The following FSTL5 variants were observed in gnomAD, a reference collection of about 807,000 sequenced individuals.
FSTL5 encodes the protein follistatin like 5.
Under a neutral mutation model 89.1 loss-of-function variants are expected in FSTL5, and 62 were observed. The ratio of observed to expected loss-of-function variants is 0.70; its 90% CI spans 0.57 to 0.86. The LOEUF is 0.86. FSTL5 is among the 40% of genes least tolerant of loss of function. FSTL5 has a pLI of 0.00. For missense variants in FSTL5, 1,057 were observed against 1,001.6 expected, an observed-to-expected ratio of 1.06 and a Z score of -0.75; for synonymous variants, 383 against 346.2, an observed-to-expected ratio of 1.11 and a Z score of -1.18.
intron 1 of FSTL5, among the ~76,000 whole-genome samples, chr4:162,160,817 G>GAAAAC (rs1272410674): frequency 1.3e-5 from 2 of 148,340 alleles, no homozygotes; most frequent in East Asian, 2.0e-4. Flanking sequence ...TTAGTAACTA[G>GAAAAC]AAAACAAAAC....
intron 6 of FSTL5, among the ~76,000 whole-genome samples, chr4:161,740,235 G>T (rs1739968346): frequency 6.6e-6 from 1 of 151,912 alleles, no homozygotes; most frequent in East Asian, 1.9e-4. Flanking sequence ...GGCCAACCTG[G>T]TCTTGAACTC....
At chr4:161,942,819 T>G (rs1734625071) in intron 3 of FSTL5, among the ~76,000 whole-genome samples, 1 of 152,024 alleles carries the variant, frequency 6.6e-6, no homozygotes, top group Admixed American at 6.6e-5. Context: ...CACTAAAAGA[T>G]CTAGACAAAG....
intron 1 of FSTL5, among the ~76,000 whole-genome samples, chr4:162,146,973 G>A (rs1733025409): frequency 6.6e-6 from 1 of 151,902 alleles, no homozygotes; most frequent in Non-Finnish European, 1.5e-5. Context: ...ATAGAGATGA[G>A]GTTTCACCAT....
chr4:162,116,472 G>A (rs1317212105), intron 1 of FSTL5, among the ~76,000 whole-genome samples: 1 of 152,168 alleles, frequency 6.6e-6, no homozygotes, highest in Non-Finnish European at 1.5e-5. Context: ...GAGCTTAGCT[G>A]TGCATGCAAG....
At chr4:161,777,118 G>C (rs1019733885) in intron 4 of FSTL5, among the ~76,000 whole-genome samples, 1 of 151,668 alleles carries the variant, frequency 6.6e-6, no homozygotes, top group African/African-American at 2.4e-5. Context: ...CTTTGAGTGA[G>C]AACATGTGAT....
chr4:161,774,822 T>C (rs1741347857), intron 5 of FSTL5, among the ~76,000 whole-genome samples: 1 of 152,118 alleles, frequency 6.6e-6, no homozygotes. Context: ...AAATAAATCA[T>C]GAGGTGTATG....
chr4:161,940,030 G>A (rs1734535124), intron 3 of FSTL5, among the ~76,000 whole-genome samples: 1 of 151,802 alleles, frequency 6.6e-6, no homozygotes, highest in African/African-American at 2.4e-5. Context: ...TGGTGCTGAA[G>A]ACATAAGCCC....
At chr4:161,973,172 G>GT (rs201435161) in intron 3 of FSTL5, among the ~76,000 whole-genome samples, 37 of 150,978 alleles carry the variant, frequency 2.5e-4, no homozygotes, top group South Asian at 6.3e-4. Context: ...AGTGTTTCAT[G>GT]TTTTTTTTTC....
intron 6 of FSTL5, among the ~76,000 whole-genome samples, chr4:161,682,304 T>A (rs916389217): frequency 2.0e-5 from 3 of 152,164 alleles, no homozygotes; most frequent in African/African-American, 7.2e-5. Flanking sequence ...TACACAAAGT[T>A]AATTAAAACT....
At chr4:161,954,932 A>T (rs1229553385) in intron 3 of FSTL5, among the ~76,000 whole-genome samples, 2 of 151,668 alleles carry the variant, frequency 1.3e-5, no homozygotes, top group African/African-American at 4.8e-5. Context: ...TCAATGATAA[A>T]AGTTGTAATA....
At chr4:161,812,040 A>G (rs1299997151) in intron 4 of FSTL5, among the ~76,000 whole-genome samples, 1 of 152,198 alleles carries the variant, frequency 6.6e-6, no homozygotes, top group Non-Finnish European at 1.5e-5. Context: ...AATATTAATG[A>G]GAGATATTTT....
At chr4:161,763,160 A>G (rs890348998) in intron 5 of FSTL5, among the ~76,000 whole-genome samples, 2 of 152,170 alleles carry the variant, frequency 1.3e-5, no homozygotes, top group African/African-American at 4.8e-5. Flanking sequence ...ATCCTTTTAG[A>G]CTGCCTACTA....
intron 6 of FSTL5, among the ~76,000 whole-genome samples, chr4:161,705,014 G>A (rs995492271): frequency 6.6e-6 from 1 of 151,658 alleles, no homozygotes; most frequent in African/African-American, 2.4e-5. Flanking sequence ...TCCAAATTGG[G>A]TATATACATC....
chr4:162,073,605 T>C (rs1391181218), intron 2 of FSTL5, among the ~76,000 whole-genome samples: 1 of 151,794 alleles, frequency 6.6e-6, no homozygotes, highest in Non-Finnish European at 1.5e-5. Flanking sequence ...AAGAACATAA[T>C]GTTTAACTAT....
chr4:161,749,963 A>G (rs1740339846), intron 6 of FSTL5, among the ~76,000 whole-genome samples: 2 of 152,032 alleles, frequency 1.3e-5, no homozygotes. Context: ...CCATTACAGC[A>G]TATATCCATG....
intron 6 of FSTL5, among the ~76,000 whole-genome samples, chr4:161,656,890 G>A (rs1182252277): frequency 8.2e-6 from 1 of 121,474 alleles, no homozygotes; most frequent in Non-Finnish European, 1.8e-5. Flanking sequence ...ATCACTGCTG[G>A]CTTGCAGTAG....
chr4:161,890,780 A>C (rs1263821884), intron 4 of FSTL5, among the ~76,000 whole-genome samples: 2 of 152,084 alleles, frequency 1.3e-5, no homozygotes, highest in African/African-American at 4.8e-5. Flanking sequence ...CTTTGGAATC[A>C]GTAAAAATAT....
At chr4:161,839,644 A>G (rs1731151421) in intron 4 of FSTL5, among the ~76,000 whole-genome samples, 1 of 152,220 alleles carries the variant, frequency 6.6e-6, no homozygotes, top group South Asian at 2.1e-4. Flanking sequence ...TGAAATTCCA[A>G]TACAGAAAAA....
At chr4:162,157,011 C>T (rs981139352) in intron 1 of FSTL5, among the ~76,000 whole-genome samples, 3 of 152,034 alleles carry the variant, frequency 2.0e-5, no homozygotes, top group African/African-American at 4.8e-5. Flanking sequence ...AGACTATGCA[C>T]AGGATTTTAT....
Sources: allele counts gnomAD v4.1 joint callset (sites outside exome capture counted in the v4.1 genomes callset), GRCh38; gene constraint gnomAD v4.1.1; transcripts MANE v1.5; gene names NCBI Gene and HGNC (gene_info 2026-07-23, HGNC 2026-07-21).